ANKS1B: variants seen among roughly 807,000 people sequenced by gnomAD.
The protein encoded by ANKS1B is ankyrin repeat and sterile alpha motif domain containing 1B.
Under a neutral mutation model 148.3 loss-of-function variants are expected in ANKS1B, and 36 were observed. The observed-to-expected ratio is 0.24, with a 90% CI of 0.19 to 0.32. The LOEUF is 0.32. Among genes scored for constraint, ANKS1B ranks in the 10% least tolerant of loss-of-function variants. ANKS1B has a pLI of 1.00. For missense variants in ANKS1B, 1,157 were observed against 1,542.6 expected (o/e 0.75, Z 4.19); for synonymous variants, 542 against 560.8 (o/e 0.97, Z 0.47).
intron 12 of ANKS1B, among the ~76,000 whole-genome samples, chr12:99,333,386 G>A (rs920055039): frequency 1.3e-5 from 2 of 152,052 alleles, no homozygotes; most frequent in African/African-American, 4.8e-5. Context: ...ACAATTATAA[G>A]CACAGTTTCA....
At chr12:98,774,077 A>G (rs1237028482) in intron 24 of ANKS1B, among the ~76,000 whole-genome samples, 1 of 152,234 alleles carries the variant, frequency 6.6e-6, no homozygotes, top group Non-Finnish European at 1.5e-5. Flanking sequence ...ATACTGCAAG[A>G]TTCAGGCCTT....
intron 12 of ANKS1B, among the ~76,000 whole-genome samples, chr12:99,342,989 G>GA (rs1246703725): frequency 5.9e-5 from 9 of 151,716 alleles, no homozygotes; most frequent in East Asian, 5.8e-4. Flanking sequence ...TAATCAAATA[G>GA]AAAAAATCAA....
At chr12:99,271,613 C>A (rs948049449) in intron 12 of ANKS1B, among the ~76,000 whole-genome samples, 1 of 142,256 alleles carries the variant, frequency 7.0e-6, no homozygotes, top group Non-Finnish European at 1.5e-5. Flanking sequence ...TGTTCACCCA[C>A]AGTATGAGAC....
intron 22 of ANKS1B, chr12:98,794,795 G>T (rs918500482): frequency 1.4e-6 from 2 of 1,474,532 alleles, no homozygotes; most frequent in African/African-American, 2.8e-5. Context: ...ACAGAAACAC[G>T]AAGCTTAATG....
chr12:99,626,032 C>T (rs2098109680), intron 9 of ANKS1B, among the ~76,000 whole-genome samples: 1 of 152,100 alleles, frequency 6.6e-6, no homozygotes, highest in African/African-American at 2.4e-5. Context: ...TGATCATCAA[C>T]TAAAAGATAC....
chr12:99,970,453 A>G (rs2095544357), intron 1 of ANKS1B, among the ~76,000 whole-genome samples: 1 of 152,084 alleles, frequency 6.6e-6, no homozygotes, highest in Non-Finnish European at 1.5e-5. Context: ...ATAAGATTAA[A>G]GGTAATTTTT....
intron 17 of ANKS1B, among the ~76,000 whole-genome samples, chr12:99,001,054 T>C (rs1254655021): frequency 6.6e-6 from 1 of 152,160 alleles, no homozygotes; most frequent in Non-Finnish European, 1.5e-5. Context: ...ACATTTTGGT[T>C]ATTTCCACAT....
intron 9 of ANKS1B, among the ~76,000 whole-genome samples, chr12:99,621,497 A>G (rs757826587): frequency 1.3e-5 from 2 of 151,556 alleles, no homozygotes; most frequent in Non-Finnish European, 2.9e-5. Context: ...TCTGTCTGCT[A>G]TCTTCAAGAG....
At chr12:99,743,499 A>C (rs1432618147) in intron 8 of ANKS1B, among the ~76,000 whole-genome samples, 3 of 152,202 alleles carry the variant, frequency 2.0e-5, no homozygotes, top group Non-Finnish European at 2.9e-5. Context: ...AATCTACAAC[A>C]TAACGTTAAT....
At chr12:98,735,180 AGAG>A (rs1279676518) in exon 10 of ANKS1B, 1 of 398,836 alleles carries the variant, frequency 2.5e-6, no homozygotes. Flanking sequence ...CAGTCGGTCA[AGAG>A]GAGGATTTTG....
chr12:99,687,550 T>A (rs1404754600), intron 8 of ANKS1B, among the ~76,000 whole-genome samples: 1 of 152,182 alleles, frequency 6.6e-6, no homozygotes, highest in Admixed American at 6.6e-5. Context: ...TTCATTTTAG[T>A]TTCTATTGCT....
intron 10 of ANKS1B, among the ~76,000 whole-genome samples, chr12:99,464,432 G>A (rs2096059373): frequency 7.9e-5 from 12 of 152,204 alleles, no homozygotes; most frequent in Admixed American, 7.9e-4. Context: ...ACAGAACAAA[G>A]CTGGACGGAG....
intron 15 of ANKS1B, among the ~76,000 whole-genome samples, chr12:99,121,489 T>A (rs1363409257): frequency 1.3e-5 from 2 of 152,150 alleles, no homozygotes; most frequent in Non-Finnish European, 2.9e-5. Flanking sequence ...CACTTTTGAG[T>A]ATTTATTTCT....
At chr12:99,528,658 G>A (rs983718619) in intron 9 of ANKS1B, among the ~76,000 whole-genome samples, 10 of 152,066 alleles carry the variant, frequency 6.6e-5, no homozygotes, top group African/African-American at 2.4e-4. Flanking sequence ...AAAGCACTTA[G>A]TCTAGTGTCT....
intron 17 of ANKS1B, among the ~76,000 whole-genome samples, chr12:99,025,421 G>A (rs1282399108): frequency 1.3e-5 from 2 of 152,186 alleles, no homozygotes; most frequent in African/African-American, 4.8e-5. Flanking sequence ...TACCAGTCAT[G>A]AGTTGATCAG....
intron 8 of ANKS1B, among the ~76,000 whole-genome samples, chr12:99,671,425 G>A (rs771501039): frequency 3.9e-5 from 6 of 151,946 alleles, no homozygotes; most frequent in Non-Finnish European, 7.4e-5. Context: ...CAACAGCCCC[G>A]CAATCAAAAG....
At chr12:98,909,592 T>C (rs1339428643) in intron 17 of ANKS1B, among the ~76,000 whole-genome samples, 2 of 152,188 alleles carry the variant, frequency 1.3e-5, no homozygotes, top group Admixed American at 6.5e-5. Context: ...ATAAGATGAA[T>C]TGACTTTAAG....
chr12:99,812,092 A>T, intron 3 of ANKS1B, 63 bp downstream of exon 3: 1 of 1,527,212 alleles, frequency 6.5e-7, no homozygotes. Context: ...TCACATTTTC[A>T]ATATGGCTTT....
intron 3 of ANKS1B, among the ~76,000 whole-genome samples, chr12:99,808,585 A>G (rs542384583): frequency 1.3e-5 from 2 of 152,212 alleles, no homozygotes; most frequent in South Asian, 4.1e-4. Context: ...TTCTTCATAA[A>G]CAATGATCAC....
Sources: allele counts gnomAD v4.1 joint callset (sites outside exome capture counted in the v4.1 genomes callset), GRCh38; gene constraint gnomAD v4.1.1; transcripts MANE v1.5; gene names NCBI Gene and HGNC (gene_info 2026-07-23, HGNC 2026-07-21).